SENP6: variants seen among roughly 807,000 people sequenced by gnomAD.
SENP6 encodes the protein sentrin-specific protease 6.
A neutral mutation model predicts 134.5 loss-of-function variants in SENP6; 41 were observed. That is an observed-to-expected ratio of 0.30 (90% CI 0.24 to 0.40). The LOEUF is 0.40. Among genes scored for constraint, SENP6 ranks in the 10% least tolerant of loss-of-function variants. SENP6 has a pLI of 1.00. For missense variants in SENP6, 1,248 were observed against 1,312.5 expected (o/e 0.95, Z 0.76); for synonymous variants, 395 against 429.8 (o/e 0.92, Z 1.00).
At chr6:75,621,500 T>C (rs2149828883) in intron 1 of SENP6, 32 bp from the exon 2 acceptor site, 1 of 1,253,600 alleles carries the variant, frequency 8.0e-7, no homozygotes, top group East Asian at 2.3e-5. Flanking sequence ...GCTCTATTAA[T>C]GAATACTTAC....
At chr6:75,612,477 T>C (rs1050864686) in intron 1 of SENP6, among the ~76,000 whole-genome samples, 3 of 152,098 alleles carry the variant, frequency 2.0e-5, no homozygotes, top group Admixed American at 6.5e-5. Flanking sequence ...GACTACAGGC[T>C]TGTGCCACCA....
At chr6:75,612,343 G>A (rs1222961162) in intron 1 of SENP6, among the ~76,000 whole-genome samples, 2 of 152,122 alleles carry the variant, frequency 1.3e-5, no homozygotes, top group Non-Finnish European at 2.9e-5. Context: ...TTCTTTTGCT[G>A]CATTTATATT....
intron 18 of SENP6, among the ~76,000 whole-genome samples, chr6:75,700,848 T>G (rs1299729281): frequency 1.3e-5 from 2 of 152,216 alleles, no homozygotes; most frequent in African/African-American, 2.4e-5. Flanking sequence ...AGTTGAGATG[T>G]GACTTTATAA....
At chr6:75,633,001 TA>T (rs958167418) in intron 3 of SENP6, among the ~76,000 whole-genome samples, 1 of 152,202 alleles carries the variant, frequency 6.6e-6, no homozygotes, top group Non-Finnish European at 1.5e-5. Flanking sequence ...TTGTGTCCTG[TA>T]ATTTTATAAT....
intron 5 of SENP6, among the ~76,000 whole-genome samples, chr6:75,638,608 ATATATATATATATATTTTTTTTTTTT>A (rs1408214976): frequency 2.3e-5 from 1 of 43,590 alleles, no homozygotes; most frequent in African/African-American, 9.1e-5. Flanking sequence ...ATATATATAT[ATATATATATATATATTTTTTTTTTTT>A]TTTTTTTTTT....
chr6:75,693,879 A>T (rs190608120), intron 16 of SENP6, among the ~76,000 whole-genome samples: 2 of 152,338 alleles, frequency 1.3e-5, no homozygotes, highest in East Asian at 3.9e-4. Context: ...TAAATTTAAT[A>T]TATCATAATT....
chr6:75,679,110 T>C, intron 16 of SENP6, 183 bp downstream of exon 16: 1 of 475,234 alleles, frequency 2.1e-6, no homozygotes. Flanking sequence ...GAATTCTATC[T>C]AAAAAGTTGT....
intron 16 of SENP6, among the ~76,000 whole-genome samples, chr6:75,692,837 G>A (rs1165325112): frequency 6.6e-6 from 1 of 151,580 alleles, no homozygotes; most frequent in African/African-American, 2.4e-5. Flanking sequence ...GCCAAGGCAA[G>A]CAGACCACCT....
At position 75,621,530 on chromosome 6, in the gene SENP6, A is replaced by C; in HGVS notation, c.53-2A>C. 1.3e-6 allele frequency: 2 copies of C among 1,591,854 alleles called. No homozygotes were observed. Among genetic ancestry groups the C allele is most frequent in the Non-Finnish European group, 1.7e-6 (2 of 1,163,378 alleles). On this transcript the variant is annotated splice_acceptor_variant, in intron 1 of 23. Coordinates refer to ENST00000447266, the MANE Select transcript of SENP6 (RefSeq NM_015571.4). LOFTEE classifies it high-confidence loss of function. ...ACTTACTGCAGTTTGTTTTTATTTC[A>C]GCTTTGGCTAGATCAGAGTCTAAGA...
At chr6:75,691,476 C>T (rs1774245557) in intron 16 of SENP6, among the ~76,000 whole-genome samples, 1 of 152,214 alleles carries the variant, frequency 6.6e-6, no homozygotes, top group Non-Finnish European at 1.5e-5. Context: ...AGCAACTAAA[C>T]AGCTTCACCA....
At chr6:75,602,706 T>C (rs1314070943) in intron 1 of SENP6, 130 bp downstream of exon 1, 3 of 944,948 alleles carry the variant, frequency 3.2e-6, no homozygotes, top group Non-Finnish European at 4.8e-6. Flanking sequence ...GGATGAGCGA[T>C]GACGGGGAGG....
At chr6:75,663,953 G>A (rs1464944350) in intron 9 of SENP6, among the ~76,000 whole-genome samples, 2 of 151,984 alleles carry the variant, frequency 1.3e-5, no homozygotes, top group African/African-American at 4.8e-5. Flanking sequence ...TGTATGGCAT[G>A]CAGTCCTTGT....
chr6:75,633,443 T>C, intron 3 of SENP6, 138 bp from the exon 4 acceptor site: 6 of 686,668 alleles, frequency 8.7e-6, no homozygotes, highest in Non-Finnish European at 1.3e-5. Flanking sequence ...GAATTATTCT[T>C]AAATCCATGC....
intron 1 of SENP6, among the ~76,000 whole-genome samples, chr6:75,610,080 A>C (rs1767331811): frequency 1.3e-5 from 2 of 152,120 alleles, no homozygotes; most frequent in South Asian, 2.1e-4. Flanking sequence ...GAGTCACCGC[A>C]CCTGGCCTTA....
chr6:75,636,818 G>A (rs962389510), intron 5 of SENP6, among the ~76,000 whole-genome samples: 2 of 151,822 alleles, frequency 1.3e-5, no homozygotes, highest in Non-Finnish European at 2.9e-5. Flanking sequence ...TTCAGGTGAG[G>A]GTAAACACAT....
intron 8 of SENP6, among the ~76,000 whole-genome samples, chr6:75,662,077 TA>T (rs1554168371): frequency 6.6e-6 from 1 of 151,890 alleles, no homozygotes; most frequent in East Asian, 1.9e-4. Flanking sequence ...AATAAATAAA[TA>T]AAACAAGATC....
chr6:75,646,690 G>A (rs1164173142), intron 6 of SENP6: 2 of 152,338 alleles, frequency 1.3e-5, no homozygotes, highest in Admixed American at 1.3e-4. Flanking sequence ...CAAAAAATTA[G>A]CTGGGCGTGG....
chr6:75,708,816 C>T (rs1183941824), intron 19 of SENP6, among the ~76,000 whole-genome samples: 1 of 152,090 alleles, frequency 6.6e-6, no homozygotes, highest in Admixed American at 6.6e-5. Flanking sequence ...ATCACTCGAA[C>T]CTGGGAGGCA....
intron 1 of SENP6, among the ~76,000 whole-genome samples, chr6:75,616,589 A>G (rs1392179239): frequency 6.6e-6 from 1 of 152,158 alleles, no homozygotes; most frequent in East Asian, 1.9e-4. Flanking sequence ...TTTACTAAAA[A>G]TACAAAATTA....
Sources: gnomAD v4.1 joint callset for allele counts (sites outside exome capture counted in the v4.1 genomes callset) on GRCh38, gnomAD v4.1.1 for gene constraint, MANE v1.5 for transcripts, NCBI Gene and HGNC (gene_info 2026-07-23, HGNC 2026-07-21) for gene names.